The following SYNDIG1 variants were observed in gnomAD, a reference collection of about 807,000 sequenced individuals.
The protein encoded by SYNDIG1 is synapse differentiation inducing 1.
Under a neutral mutation model 19.4 loss-of-function variants are expected in SYNDIG1, and 9 were observed. That is an observed-to-expected ratio of 0.46 (90% CI 0.28 to 0.81). The LOEUF (loss-of-function observed/expected upper bound fraction) is 0.81. Ranked by LOEUF, SYNDIG1 falls within the 30% of genes least tolerant of loss-of-function variation. The probability of loss-of-function intolerance (pLI) is 0.12; values close to 1 mark genes in which losing one functional copy is unlikely to be tolerated. For synonymous variants in SYNDIG1, 141 were observed against 145.9 expected (o/e 0.97, Z 0.24); for missense variants, 311 against 343.3 (o/e 0.91, Z 0.74).
intron 2 of SYNDIG1, among the ~76,000 whole-genome samples, chr20:24,554,302 T>C (rs1053531330): frequency 6.6e-6 from 1 of 152,186 alleles, no homozygotes; most frequent in Non-Finnish European, 1.5e-5. Flanking sequence ...CTTATTTCCT[T>C]CTCCTGCCTA....
Position 24,501,112 on chromosome 20 carries a change from C to T in SYNDIG1, c.-79+31359C>T, listed in dbSNP as rs564646871. On this transcript the variant is annotated intron_variant, in intron 1 of 3. Coordinates refer to ENST00000376862, the MANE Select transcript of SYNDIG1 (RefSeq NM_024893.3). ...ATCTACCTATCTATCTACTTATCTA[C>T]CTATGTAGATAACATCTATCTACCT... Among the ~76,000 whole-genome samples, 5 of 152,304 alleles carry T rather than the reference C, an allele frequency of 3.3e-5. No homozygotes were observed. In the South Asian group the frequency reaches 8.3e-4, roughly 25 times the overall value.
In SYNDIG1 at chr20:24,517,693, T is replaced by C. The variant is rs575925058; in HGVS notation, c.-78-25327T>C. On this transcript the variant is annotated intron_variant, in intron 1 of 3. Transcript: ENST00000376862. ...ATATATGTGTATATGTATATATATA[T>C]ACACATATATATGTGTATATATATG... is the stretch of plus-strand genomic sequence containing the variant. Among the ~76,000 whole-genome samples, 231 of 145,836 alleles carry C rather than the reference T, an allele frequency of 1.6e-3. 1 individual carries two copies. The highest frequency in any genetic ancestry group is 4.7e-3 in the African/African-American group (187 of 39,828).
intron 1 of SYNDIG1, among the ~76,000 whole-genome samples, chr20:24,509,596 TTGTC>T (rs1275893778): frequency 2.0e-5 from 3 of 152,212 alleles, no homozygotes; most frequent in Non-Finnish European, 2.9e-5. Flanking sequence ...CATTTTTACT[TTGTC>T]TGATCAGTTT....
chr20:24,559,045 C>A (rs746840427), intron 2 of SYNDIG1, among the ~76,000 whole-genome samples: 74 of 152,138 alleles, frequency 4.9e-4, no homozygotes, highest in Non-Finnish European at 7.8e-4. Flanking sequence ...ATGTTTATTG[C>A]AGCACTATTC....
intron 3 of SYNDIG1, among the ~76,000 whole-genome samples, chr20:24,605,491 C>G (rs2058744444): frequency 6.6e-6 from 1 of 152,126 alleles, no homozygotes; most frequent in African/African-American, 2.4e-5. Context: ...ATTGTAGCTT[C>G]TGAGAGCTGT....
intron 1 of SYNDIG1, among the ~76,000 whole-genome samples, chr20:24,539,323 A>G (rs1446737279): frequency 6.6e-6 from 1 of 151,986 alleles, no homozygotes; most frequent in Non-Finnish European, 1.5e-5. Flanking sequence ...TGGATATCCA[A>G]TTTTTTAGCA....
intron 1 of SYNDIG1, among the ~76,000 whole-genome samples, chr20:24,508,568 A>G (rs2056664694): frequency 6.6e-6 from 1 of 152,222 alleles, no homozygotes. Context: ...CAGTGAAGAA[A>G]AACATAGGTG....
chr20:24,503,956 G>A, intron 1 of SYNDIG1, among the ~76,000 whole-genome samples: 1 of 125,282 alleles, frequency 8.0e-6, no homozygotes, highest in Non-Finnish European at 1.6e-5. Context: ...GGGAGAGCAG[G>A]TTTTTTTTTT....
intron 3 of SYNDIG1, among the ~76,000 whole-genome samples, chr20:24,605,393 C>A (rs183810102): frequency 6.6e-6 from 1 of 152,242 alleles, no homozygotes; most frequent in East Asian, 1.9e-4. Context: ...TGTGTGAGGG[C>A]AGTTAAATAG....
At chr20:24,515,038 C>T (rs1434580234) in intron 1 of SYNDIG1, among the ~76,000 whole-genome samples, 1 of 152,080 alleles carries the variant, frequency 6.6e-6, no homozygotes, top group African/African-American at 2.4e-5. Context: ...GGGTACATAA[C>T]GAAATGAAGG....
intron 3 of SYNDIG1, among the ~76,000 whole-genome samples, chr20:24,613,624 C>T (rs546678498): frequency 6.6e-6 from 1 of 152,126 alleles, no homozygotes; most frequent in Non-Finnish European, 1.5e-5. Flanking sequence ...CATGCTTGCC[C>T]TCCTGACCGT....
chr20:24,495,588 T>C (rs1415436491), intron 1 of SYNDIG1: 2 of 152,260 alleles, frequency 1.3e-5, no homozygotes, highest in African/African-American at 4.8e-5. Context: ...GCAATGTGCA[T>C]AGCTGGAACA....
At chr20:24,516,972 T>C (rs927700064) in intron 1 of SYNDIG1, among the ~76,000 whole-genome samples, 2 of 152,080 alleles carry the variant, frequency 1.3e-5, no homozygotes, top group Non-Finnish European at 2.9e-5. Flanking sequence ...TATGCAGCCA[T>C]AGAAAAGGAT....
chr20:24,603,933 A>G (rs1399779717), intron 3 of SYNDIG1, among the ~76,000 whole-genome samples: 1 of 152,124 alleles, frequency 6.6e-6, no homozygotes, highest in Non-Finnish European at 1.5e-5. Flanking sequence ...TTCACAGTCA[A>G]CCTTTGCCTG....
chr20:24,482,655 C>T (rs1224189026), intron 1 of SYNDIG1, among the ~76,000 whole-genome samples: 1 of 152,162 alleles, frequency 6.6e-6, no homozygotes, highest in African/African-American at 2.4e-5. Context: ...CAGAAAAAAA[C>T]TAAATGCCTG....
intron 2 of SYNDIG1, among the ~76,000 whole-genome samples, chr20:24,553,148 G>T (rs1402836686): frequency 6.6e-6 from 1 of 151,742 alleles, no homozygotes; most frequent in Non-Finnish European, 1.5e-5. Context: ...CCCACTTTTT[G>T]ATGGGGTTGT....
chr20:24,499,088 G>A (rs150315411), intron 1 of SYNDIG1, among the ~76,000 whole-genome samples: 15 of 152,174 alleles, frequency 9.9e-5, no homozygotes, highest in African/African-American at 1.4e-4. Context: ...GCAGTGGCAC[G>A]ATCTCGGCTC....
intron 1 of SYNDIG1, among the ~76,000 whole-genome samples, chr20:24,493,595 G>A (rs1163608756): frequency 2.0e-5 from 3 of 152,226 alleles, no homozygotes; most frequent in African/African-American, 7.2e-5. Context: ...AAGGTTTTGA[G>A]TTGCAGGCTC....
chr20:24,554,786 C>T (rs1242377180), intron 2 of SYNDIG1, among the ~76,000 whole-genome samples: 3 of 150,944 alleles, frequency 2.0e-5, no homozygotes, highest in Non-Finnish European at 4.4e-5. Flanking sequence ...GTGTCTCTGC[C>T]CGGCTTTGGT....
Sources: gnomAD v4.1 joint callset for allele counts (sites outside exome capture counted in the v4.1 genomes callset) on GRCh38, gnomAD v4.1.1 for gene constraint, MANE v1.5 for transcripts, NCBI Gene and HGNC (gene_info 2026-07-23, HGNC 2026-07-21) for gene names.